IFT52: variants seen among roughly 807,000 people sequenced by gnomAD.
IFT52 encodes intraflagellar transport 52.
A neutral mutation model predicts 54.4 loss-of-function variants in IFT52; 44 were observed. The ratio of observed to expected loss-of-function variants is 0.81; its 90% confidence interval spans 0.63 to 1.04. IFT52 has a LOEUF of 1.04. Among genes scored for constraint, IFT52 ranks in the 50% least tolerant of loss-of-function variants. The pLI, the probability that IFT52 is intolerant of heterozygous loss-of-function variation, is 0.00. For synonymous variants in IFT52, 181 were observed against 185.3 expected (o/e 0.98, Z 0.19); for missense variants, 452 against 523.6 (o/e 0.86, Z 1.33).
intron 6 of IFT52, among the ~76,000 whole-genome samples, chr20:43,613,309 T>C (rs899897734): frequency 6.6e-6 from 1 of 152,216 alleles, no homozygotes; most frequent in Non-Finnish European, 1.5e-5. Flanking sequence ...CCCCATCCTC[T>C]TCCTCCTCCC....
intron 1 of IFT52, among the ~76,000 whole-genome samples, chr20:43,592,846 C>T (rs1408856316): frequency 6.6e-6 from 1 of 152,188 alleles, no homozygotes; most frequent in African/African-American, 2.4e-5. Flanking sequence ...TGCAGTGGCT[C>T]ATGCCAGTAA....
At chr20:43,637,623 C>T (rs1163348882) in intron 12 of IFT52, among the ~76,000 whole-genome samples, 2 of 152,108 alleles carry the variant, frequency 1.3e-5, no homozygotes, top group South Asian at 2.1e-4. Context: ...TCATGAATTT[C>T]TGAGAATTGC....
At chr20:43,594,630 ATTAC>A in intron 1 of IFT52, 59 bp from the exon 2 acceptor site, 1 of 894,926 alleles carries the variant, frequency 1.1e-6, no homozygotes, top group South Asian at 1.4e-5. Flanking sequence ...GCAACTATTT[ATTAC>A]TTTTAGGGTC....
rs757563071 is a variant in IFT52 at position 43,603,766 on chromosome 20, A to G, written c.214A>G (p.Ile72Val). 6.2e-7 allele frequency: 1 copy of G among 1,612,002 alleles called. No individual in the cohort carries two copies. Among genetic ancestry groups the G allele is most frequent in the East Asian group, 2.2e-5 (1 of 44,818 alleles). Residue 72 changes from isoleucine to valine, a missense_variant, in exon 4 of 14, where the codon ATC becomes GTC. Coordinates refer to ENST00000373030, the MANE Select transcript of IFT52 (RefSeq NM_016004.5). ...REKFTAAEFE[I>V]LKKYLDTGGD... Reference sequence around the variant, plus strand: ...GCTTTTTTCCTTTGTGTAGTTTGAAATCCTGAAGAAATATCTTGACACTGG... The same window carrying G: ...GCTTTTTTCCTTTGTGTAGTTTGAAGTCCTGAAGAAATATCTTGACACTGG...
chr20:43,633,199 C>T (rs1388879680), intron 10 of IFT52, among the ~76,000 whole-genome samples: 4 of 151,546 alleles, frequency 2.6e-5, no homozygotes, highest in African/African-American at 4.9e-5. Context: ...CAAAATTAGC[C>T]GGGCATGGTG....
intron 3 of IFT52, among the ~76,000 whole-genome samples, chr20:43,599,436 T>C (rs1982253956): frequency 6.6e-6 from 1 of 152,162 alleles, no homozygotes; most frequent in Non-Finnish European, 1.5e-5. Context: ...GAGGCAAATT[T>C]GATGTAACTT....
At position 43,647,021 on chromosome 20, in the gene IFT52, C is replaced by G; in HGVS notation, c.*38C>G. 2 of 1,564,036 alleles carry G rather than the reference C, an allele frequency of 1.3e-6. No homozygotes were observed. Among genetic ancestry groups the G allele is most frequent in the Non-Finnish European group, 8.8e-7 (1 of 1,135,076 alleles). ...TTGAAGCTTTTTCTGCCTCCTGATTCTCTCTTTGTAAACTATTTTCAAATT... is the reference window on the plus strand; with the variant it reads ...TTGAAGCTTTTTCTGCCTCCTGATTGTCTCTTTGTAAACTATTTTCAAATT... On this transcript the variant is annotated 3_prime_UTR_variant, in exon 14 of 14. Coordinates refer to ENST00000373030, the MANE Select transcript of IFT52 (RefSeq NM_016004.5).
intron 6 of IFT52, among the ~76,000 whole-genome samples, chr20:43,609,647 C>T (rs1427170160): frequency 6.6e-6 from 1 of 151,944 alleles, no homozygotes; most frequent in Non-Finnish European, 1.5e-5. Context: ...TGGTGGCGGG[C>T]ACCTGTAATC....
Position 43,602,143 on chromosome 20 carries a change from T to TA in IFT52, c.208-1617_208-1616insA, listed in dbSNP as rs199763720. On this transcript the variant is annotated intron_variant, in intron 3 of 13. Coordinates refer to ENST00000373030, the MANE Select transcript of IFT52 (RefSeq NM_016004.5). ...GAAATGGACTTTGAGCTGATTTTTA[T>TA]TTTATTTATTTATTTATTTATTTAT... Among the ~76,000 whole-genome samples the TA allele has an allele frequency of 7.8e-3, 1,142 of 145,612 alleles. 26 individuals are homozygous for TA. The highest frequency in any genetic ancestry group is 0.064 in the East Asian group (318 of 4,986).
chr20:43,633,928 C>G (rs969796036), intron 10 of IFT52, among the ~76,000 whole-genome samples: 1 of 151,656 alleles, frequency 6.6e-6, no homozygotes, highest in Admixed American at 6.6e-5. Flanking sequence ...CTTTGGGAAG[C>G]TGAAACAGGA....
chr20:43,621,555 T>A (rs1267896725), intron 9 of IFT52, among the ~76,000 whole-genome samples: 1 of 152,224 alleles, frequency 6.6e-6, no homozygotes. Context: ...CTCTGTCTCC[T>A]GGGTCCAAGC....
Position 43,636,013 on chromosome 20 carries a change from G to A in IFT52, c.1011G>A (p.Ala337=), listed in dbSNP as rs41296223. 49,677 of 1,613,890 alleles carry A rather than the reference G, an allele frequency of 0.031. 957 individuals carry two copies. The highest frequency in any genetic ancestry group is 0.036 in the Middle Eastern group (216 of 6,022). Residue 337 remains alanine, a splice_region_variant and synonymous_variant, in exon 11 of 14, where the codon GCG becomes GCA. Coordinates refer to ENST00000373030, the MANE Select transcript of IFT52 (RefSeq NM_016004.5). The part of the protein sequence containing the change: ...FETPLPTLQP[A]VFPPSFRELP... ...CGCCGCTGCCAACCCTTCAGCCTGC[G>A]GTGAGTAGGTGTGCTTGGGAGATCC...
At chr20:43,618,888 C>T in intron 7 of IFT52, 52 bp from the exon 8 acceptor site, 4 of 1,160,622 alleles carry the variant, frequency 3.4e-6, no homozygotes, top group Non-Finnish European at 3.9e-6. Context: ...TACTAGGATA[C>T]ATGAGATGCA....
At chr20:43,604,387 T>C (rs1172212769) in intron 5 of IFT52, 129 bp downstream of exon 5, 1 of 602,604 alleles carries the variant, frequency 1.7e-6, no homozygotes, top group Non-Finnish European at 2.9e-6. Context: ...CTGGCCAACA[T>C]GGTGAAACCC....
At chr20:43,641,213 GGTTTTGTTTT>G (rs1330968682) in intron 12 of IFT52, among the ~76,000 whole-genome samples, 1 of 147,958 alleles carries the variant, frequency 6.8e-6, no homozygotes, top group African/African-American at 2.5e-5. Flanking sequence ...TGTTTTTTGG[GGTTTTGTTTT>G]GTTTTGTTTT....
At position 43,603,834 on chromosome 20, in the gene IFT52, A is replaced by C; in HGVS notation, c.282A>C (p.Arg94Ser). Reference sequence around the variant, plus strand: ...TGCTAGGAGAAGGTGGAGAATCCAGATTTGACACCAATATTAACTTTTTAC... The same window carrying C: ...TGCTAGGAGAAGGTGGAGAATCCAGCTTTGACACCAATATTAACTTTTTAC... The part of the protein sequence containing the change: ...FVMLGEGGES[R>S]FDTNINFLLE... Residue 94 changes from arginine (R) to serine (S), a missense_variant, in exon 4 of 14, where the codon AGA (arginine) becomes AGC (serine). Arg to Ser is a moderately radical substitution (Grantham distance 110). Transcript: ENST00000373030. The C allele has an allele frequency of 3.2e-6, 5 of 1,567,308 alleles. No homozygotes were observed. The highest frequency in any genetic ancestry group is 4.4e-6 in the Non-Finnish European group (5 of 1,140,060).
At chr20:43,623,806 C>T (rs765838309) in intron 9 of IFT52, 85 bp from the exon 10 acceptor site, 13 of 1,394,988 alleles carry the variant, frequency 9.3e-6, no homozygotes, top group Non-Finnish European at 1.3e-5. Context: ...ATAAATGTTG[C>T]AGATTTAGAC....
At chr20:43,606,213 T>C (rs1982865267) in intron 6 of IFT52, among the ~76,000 whole-genome samples, 1 of 150,690 alleles carries the variant, frequency 6.6e-6, no homozygotes, top group Admixed American at 6.6e-5. Context: ...AGATGGAGAC[T>C]TCGTCTAAAA....
At position 43,594,409 on chromosome 20, in the gene IFT52, G is replaced by A. The variant is rs575334577; in HGVS notation, c.-6-284G>A. Among the ~76,000 whole-genome samples, 11 of 152,286 alleles carry A rather than the reference G, an allele frequency of 7.2e-5. No homozygotes were observed. The East Asian group carries it at 2.1e-3, about 29-fold the overall frequency. On this transcript the variant is annotated intron_variant, in intron 1 of 13. Transcript: ENST00000373030. Reference sequence around the variant, plus strand: ...ACATGGTCTTGGGACACAAGAGCAGGGTGATGGCAGGGCAGAGCCATAGGT... The same window carrying A: ...ACATGGTCTTGGGACACAAGAGCAGAGTGATGGCAGGGCAGAGCCATAGGT...
Sources: allele counts gnomAD v4.1 joint callset (sites outside exome capture counted in the v4.1 genomes callset), GRCh38; gene constraint gnomAD v4.1.1; transcripts MANE v1.5; gene names NCBI Gene and HGNC (gene_info 2026-07-23, HGNC 2026-07-21).